DHX37: variants seen among roughly 807,000 people sequenced by gnomAD.
The protein encoded by DHX37 is DEAH-box helicase 37, also known as probable ATP-dependent RNA helicase DHX37.
In DHX37, 52 loss-of-function variants were observed where a neutral mutation model predicts 134.3. The ratio of observed to expected loss-of-function variants is 0.39; its 90% CI spans 0.31 to 0.49. The LOEUF is 0.49. Among genes scored for constraint, DHX37 ranks in the 20% least tolerant of loss-of-function variants. DHX37 has a pLI of 0.93. For synonymous variants in DHX37, 634 were observed against 670.7 expected, an observed-to-expected ratio of 0.95 and a Z score of 0.85; for missense variants, 1,344 against 1,580.8, an observed-to-expected ratio of 0.85 and a Z score of 2.54.
At chr12:124,982,453 G>C in intron 3 of DHX37, 58 bp downstream of exon 3, 5 of 1,598,720 alleles carry the variant, frequency 3.1e-6, no homozygotes, top group Non-Finnish European at 3.4e-6. Flanking sequence ...TAACCTGTGC[G>C]CCCTCCCTAG....
At position 124,953,972 on chromosome 12, in the gene DHX37, G is replaced by A. The variant is rs748815708; in HGVS notation, c.2603C>T (p.Ala868Val). Residue 868 changes from alanine to valine, a missense_variant, in exon 20 of 27, where the codon GCC (alanine) becomes GTC (valine). Physicochemically the swap from Ala to Val is moderately conservative, Grantham distance 64. Transcript: ENST00000308736. ...LLGAVGACEY[A>V]SCTPQFCEAN... ...TTCGCAAAACTGGGGTGTGCAGCTG[G>A]CATACTCACAGGCTCCCACGGCGCC... The A allele has an allele frequency of 3.1e-6, 5 of 1,613,578 alleles. No individual in the cohort carries two copies. Among genetic ancestry groups the A allele is most frequent in the Non-Finnish European group, 3.4e-6 (4 of 1,179,974 alleles).
chr12:124,987,267 C>T (rs1392099687), intron 1 of DHX37, among the ~76,000 whole-genome samples: 2 of 151,898 alleles, frequency 1.3e-5, no homozygotes, highest in African/African-American at 4.8e-5. Flanking sequence ...TGCTTGAACC[C>T]GGGAGGTGGA....
Position 124,953,974 on chromosome 12 carries a change from A to G in DHX37, c.2601T>C (p.Tyr867=). The G allele has an allele frequency of 6.2e-7, 1 of 1,613,578 alleles. No homozygotes were observed. The change falls in exon 20 of 27, where the codon TAT becomes TAC. Residue 867 remains tyrosine (Y), a synonymous_variant. Transcript: ENST00000308736. ...CGCAAAACTGGGGTGTGCAGCTGGC[A>G]TACTCACAGGCTCCCACGGCGCCTG... ...VLLGAVGACE[Y]ASCTPQFCEA... is the part of the protein sequence containing the mutation.
At chr12:124,948,374 T>C (rs4491348) in intron 25 of DHX37, 193 bp from the exon 26 acceptor site, 164,707 of 1,036,968 alleles carry the variant, frequency 0.16, 15,072 homozygotes, top group African/African-American at 0.38. Context: ...CCCTTGAGCC[T>C]GGGAGTTGGA....
rs202211391 is a variant in DHX37, at chr12:124,950,138, G to C, written c.3216+11C>G. The C allele has an allele frequency of 2.7e-4, 428 of 1,613,984 alleles. 4 individuals are homozygous for C. Among genetic ancestry groups the C allele is most frequent in the South Asian group, 2.3e-3 (205 of 91,086 alleles). On this transcript the variant is annotated intron_variant, in intron 24 of 26. Transcript: ENST00000308736. ...CCCGAGATGAGGGTCTGGAGCCGCT[G>C]TGCCACCTACCTGCCCTTCCAGCAG...
intron 17 of DHX37, 38 bp downstream of exon 17, chr12:124,956,991 A>C (rs764047255): frequency 2.4e-5 from 36 of 1,525,564 alleles, no homozygotes; most frequent in Non-Finnish European, 3.0e-5. Context: ...AGGGCCCTGA[A>C]CGGGGCAGGA....
intron 15 of DHX37, among the ~76,000 whole-genome samples, chr12:124,960,941 G>A (rs558837780): frequency 3.3e-5 from 5 of 152,372 alleles, no homozygotes; most frequent in South Asian, 4.1e-4. Flanking sequence ...GCGACAGAGC[G>A]AGACTCCGTC....
Position 124,953,925 on chromosome 12 carries a change from C to T in DHX37, c.2650G>A (p.Ala884Thr), listed in dbSNP as rs1954028966. 6.2e-7 allele frequency: 1 copy of T among 1,612,848 alleles called. No homozygotes were observed. Among genetic ancestry groups the T allele is most frequent in the South Asian group, 1.1e-5 (1 of 91,060 alleles). ...FCEANGLRYK[A>T]MMEIRRLRGQ... ...CGCAGGCGCCGGATCTCCATCATGG[C>T]TTTGTACCGCAGCCCGTTGGCTTCG... The change falls in exon 20 of 27, where the codon GCC (alanine) becomes ACC (threonine). Residue 884 changes from alanine (A) to threonine (T), a missense_variant. Ala to Thr is a moderately conservative substitution (Grantham distance 58, BLOSUM62 0). Around this residue, in one of 7 missense-constraint regions of DHX37, gnomAD observed 558 missense variants for 650.0 expected, o/e 0.86. Coordinates refer to ENST00000308736, the MANE Select transcript of DHX37 (RefSeq NM_032656.4).
At chr12:124,982,989 T>C (rs1157333025) in intron 2 of DHX37, among the ~76,000 whole-genome samples, 1 of 152,202 alleles carries the variant, frequency 6.6e-6, no homozygotes, top group Non-Finnish European at 1.5e-5. Flanking sequence ...TGATGTGAAT[T>C]GGTCCCCGAG....
In DHX37 at chr12:124,963,805, G is replaced by A. The variant is rs539247740; in HGVS notation, c.2045+589C>T. Among the ~76,000 whole-genome samples the A allele has an allele frequency of 9.1e-4, 137 of 149,970 alleles. 1 individual carries two copies. Among genetic ancestry groups the A allele is most frequent in the Admixed American group, 2.7e-3 (40 of 14,982 alleles). On this transcript the variant is annotated intron_variant, in intron 15 of 26. Coordinates refer to ENST00000308736, the MANE Select transcript of DHX37 (RefSeq NM_032656.4). Reference sequence around the variant, plus strand: ...TGAGGCAAGAGAATGGCGTGAACCCGGGAGGTGGAGCTTCCAGTGAGCCAA... The same window carrying A: ...TGAGGCAAGAGAATGGCGTGAACCCAGGAGGTGGAGCTTCCAGTGAGCCAA...
intron 16 of DHX37, among the ~76,000 whole-genome samples, chr12:124,959,092 G>A (rs1158243168): frequency 1.0e-5 from 1 of 99,606 alleles, no homozygotes. Context: ...TTTTTTTTTG[G>A]AGACGGAGTC....
Position 124,957,048 on chromosome 12 carries a change from G to A in DHX37, c.2245C>T (p.Pro749Ser). The change falls in exon 17 of 27, where the codon CCG (proline) becomes TCG (serine). Residue 749 changes from proline to serine, a missense_variant. By Grantham distance (74) the Pro-to-Ser change is moderately conservative (BLOSUM62 -1). Transcript: ENST00000308736. ...ELLIALGALQ[P>S]PQKAERVKQL... ...CCTTACCTTTCTGCTTTCTGGGGCG[G>A]TTGCAGGGCACCCAGTGCGATCAAC... 1 of 1,514,756 alleles carries A rather than the reference G, an allele frequency of 6.6e-7. No individual in the cohort carries two copies. Among genetic ancestry groups the A allele is most frequent in the Non-Finnish European group, 8.8e-7 (1 of 1,135,556 alleles). 93.8% of individuals were successfully genotyped at this position (1,514,756 alleles called of 1,614,324 possible). A position where few individuals can be genotyped will look rare whatever the true frequency, so the allele number is the denominator to read the frequency against.
At position 124,957,130 on chromosome 12, in the gene DHX37, G is replaced by T; in HGVS notation, c.2163C>A (p.Ile721=). Residue 721 remains isoleucine (I), a synonymous_variant, in exon 17 of 27, where the codon ATC becomes ATA. Coordinates refer to ENST00000308736, the MANE Select transcript of DHX37 (RefSeq NM_032656.4). The part of the protein sequence containing the change: ...QMKALNVEKV[I]NFPFPTPPSV... Reference sequence around the variant, plus strand: ...AGGGGGGCGTCGGGAAGGGGAAGTTGATGACCTGGGACACAAGGAGACGTG... The same window carrying T: ...AGGGGGGCGTCGGGAAGGGGAAGTTTATGACCTGGGACACAAGGAGACGTG... 6.7e-7 allele frequency: 1 copy of T among 1,499,268 alleles called. No homozygotes were observed. Among genetic ancestry groups the T allele is most frequent in the Non-Finnish European group, 8.9e-7 (1 of 1,126,958 alleles). 92.9% of individuals were successfully genotyped at this position (1,499,268 alleles called of 1,614,324 possible). A position where few individuals can be genotyped will look rare whatever the true frequency, so the allele number is the denominator to read the frequency against.
At chr12:124,977,054 A>AAC (rs1954661516) in intron 5 of DHX37, among the ~76,000 whole-genome samples, 1 of 151,716 alleles carries the variant, frequency 6.6e-6, no homozygotes, top group Non-Finnish European at 1.5e-5. Context: ...TCAAAAAAAA[A>AAC]AAAAAAAGGA....
At chr12:124,969,004 G>T in intron 8 of DHX37, 36 bp from the exon 9 acceptor site, 1 of 1,597,102 alleles carries the variant, frequency 6.3e-7, no homozygotes, top group South Asian at 1.1e-5. Context: ...GTGGCCCCAG[G>T]ACCGCAGGTG....
chr12:124,967,277 A>T, intron 10 of DHX37, 59 bp from the exon 11 acceptor site: 1 of 1,565,616 alleles, frequency 6.4e-7, no homozygotes, highest in Non-Finnish European at 8.7e-7. Flanking sequence ...TTTGCTTAGC[A>T]AAAGCACCTG....
chr12:124,972,636 C>T, intron 6 of DHX37, 37 bp from the exon 7 acceptor site: 1 of 1,609,362 alleles, frequency 6.2e-7, no homozygotes, highest in Non-Finnish European at 8.5e-7. Context: ...CAGAGCCGTG[C>T]CTGGCTGGGG....
chr12:124,981,980 G>A (rs1378530964), intron 3 of DHX37, among the ~76,000 whole-genome samples: 3 of 151,754 alleles, frequency 2.0e-5, no homozygotes, highest in African/African-American at 4.8e-5. Context: ...AAAATTAGCC[G>A]GGCTTGGTGG....
chr12:124,968,671 T>G (rs767800853), intron 9 of DHX37, 23 bp from the exon 10 acceptor site: 1 of 1,612,926 alleles, frequency 6.2e-7, no homozygotes, highest in East Asian at 2.2e-5. Context: ...CAGGAAGGCA[T>G]GGGGAGTGGG....
Sources: gnomAD v4.1 joint callset for allele counts (sites outside exome capture counted in the v4.1 genomes callset) on GRCh38, gnomAD v4.1.1 for gene constraint, gnomAD v4.1.1 regional missense constraint, MANE v1.5 for transcripts, NCBI Gene and HGNC (gene_info 2026-07-23, HGNC 2026-07-21) for gene names.